Variants in PDXDC1 observed in about 807,000 individuals in gnomAD.
The protein encoded by PDXDC1 is pyridoxal dependent decarboxylase domain containing 1, also known as pyridoxal-dependent decarboxylase domain-containing protein 1.
A neutral mutation model predicts 100.1 loss-of-function variants in PDXDC1; 42 were observed. That is an observed-to-expected ratio of 0.42 (90% confidence interval 0.33 to 0.54). The LOEUF is 0.54. PDXDC1 is among the 20% of genes least tolerant of loss of function. PDXDC1 has a pLI of 0.10. For missense variants in PDXDC1, 636 were observed against 979.2 expected, an observed-to-expected ratio of 0.65 and a Z score of 4.68; for synonymous variants, 260 against 371.7, an observed-to-expected ratio of 0.70 and a Z score of 3.46.
Position 15,050,767 on chromosome 16 carries a change from G to A in PDXDC1, c.1399+20711G>A, listed in dbSNP as rs1567771053. 2.0e-5 allele frequency among the ~76,000 whole-genome samples: 3 copies of A among 151,960 alleles called. No individual in the cohort carries two copies. The East Asian group carries it at 5.8e-4, about 29-fold the overall frequency. On this transcript the variant is annotated intron_variant, in intron 16 of 16. Coordinates refer to the PDXDC1 transcript ENST00000535621. ...AAATTAAGATTAAACTAAAAGAAGA[G>A]ATGTAATAAACATAATGATCAGCTT...
the PDXDC1 span, among the ~76,000 whole-genome samples, chr16:15,152,115 A>G: frequency 7.0e-6 from 1 of 143,374 alleles, no homozygotes; most frequent in Non-Finnish European, 1.6e-5. Flanking sequence ...AAAAGCCACC[A>G]CCTCTCGGCA....
chr16:15,031,622 C>A, intron 16 of PDXDC1, 113 bp from the exon 17 acceptor site: 1 of 829,820 alleles, frequency 1.2e-6, no homozygotes, highest in Non-Finnish European at 1.9e-6. Context: ...CCATGGCTCC[C>A]GGTAACTGGA....
At chr16:15,014,284 T>C (rs531033579) in intron 8 of PDXDC1, among the ~76,000 whole-genome samples, 87 of 152,304 alleles carry the variant, frequency 5.7e-4, no homozygotes, top group African/African-American at 1.9e-3. Flanking sequence ...CATCACTTCC[T>C]GCCTTATTGT....
At chr16:14,995,771 C>T (rs369382248) in intron 1 of PDXDC1, among the ~76,000 whole-genome samples, 8 of 152,374 alleles carry the variant, frequency 5.3e-5, no homozygotes, top group South Asian at 2.1e-4. Flanking sequence ...CCTCTGGTCC[C>T]GGACCTTTTT....
intron 16 of PDXDC1, chr16:15,133,325 C>T (rs1598264101): frequency 2.5e-5 from 38 of 1,500,586 alleles, no homozygotes; most frequent in Admixed American, 1.4e-4. Context: ...ATCGGCCTGC[C>T]GCAGCAGCCC....
downstream of PDXDC1, among the ~76,000 whole-genome samples, chr16:15,143,900 G>A (rs902512010): frequency 8.5e-5 from 13 of 152,330 alleles, no homozygotes; most frequent in East Asian, 1.9e-4. Context: ...CATTCCAGAC[G>A]CGTGTGGTCA....
intron 12 of PDXDC1, among the ~76,000 whole-genome samples, chr16:15,021,991 T>A (rs1335142925): frequency 7.2e-5 from 11 of 152,288 alleles, no homozygotes; most frequent in African/African-American, 2.7e-4. Context: ...GAATTAATTT[T>A]CTTTAAGAAA....
At chr16:14,992,119 G>A (rs1214741088) in intron 1 of PDXDC1, among the ~76,000 whole-genome samples, 1 of 152,272 alleles carries the variant, frequency 6.6e-6, no homozygotes, top group Admixed American at 6.5e-5. Context: ...AAGGAATCAT[G>A]AGGATAAATG....
Position 15,034,458 on chromosome 16 carries a change from G to A in PDXDC1, c.1907G>A (p.Gly636Glu). ...CTGAACTCTGGTCCTGTCTTGCAGG[G>A]GGTGTTGCGGCAGATCCCTGTAGTG... ...KASEERLLEE[G>E]VLRQIPVVGS... The change falls in exon 21 of 23, where the codon GGG (glycine) becomes GAG (glutamate). Residue 636 changes from glycine (G) to glutamate (E), a missense_variant and splice_region_variant. Transcript: ENST00000396410. 1 of 1,614,124 alleles carries A rather than the reference G, an allele frequency of 6.2e-7. No homozygotes were observed. Among genetic ancestry groups the A allele is most frequent in the East Asian group, 2.2e-5 (1 of 44,880 alleles).
chr16:15,034,772 C>A (rs1011651412), intron 21 of PDXDC1, among the ~76,000 whole-genome samples: 2 of 152,218 alleles, frequency 1.3e-5, no homozygotes, highest in Non-Finnish European at 2.9e-5. Flanking sequence ...TACCCACTCT[C>A]CACAGCTGTC....
chr16:15,003,791 T>C (rs1325657753), intron 4 of PDXDC1, among the ~76,000 whole-genome samples: 10 of 152,274 alleles, frequency 6.6e-5, no homozygotes, highest in Non-Finnish European at 1.3e-4. Flanking sequence ...AAGAGCAGCC[T>C]GGCCAACATG....
At chr16:14,998,052 A>G (rs1284500904) in intron 2 of PDXDC1, among the ~76,000 whole-genome samples, 3 of 152,288 alleles carry the variant, frequency 2.0e-5, no homozygotes, top group Admixed American at 1.3e-4. Context: ...TAAGAGTTTC[A>G]TTTACTTAAT....
At chr16:14,976,830 G>C (rs1170029486) in intron 1 of PDXDC1, 2 of 152,506 alleles carry the variant, frequency 1.3e-5, no homozygotes, top group African/African-American at 4.8e-5. Flanking sequence ...GAGAAATCCT[G>C]GTCAAGATCA....
intron 14 of PDXDC1, among the ~76,000 whole-genome samples, 184 bp from the exon 15 acceptor site, chr16:15,028,694 G>A (rs1038605610): frequency 1.3e-5 from 2 of 152,298 alleles, no homozygotes; most frequent in African/African-American, 4.8e-5. Flanking sequence ...ATGTATTCAA[G>A]TGTTACATAG....
intron 16 of PDXDC1, chr16:15,125,768 C>A (rs201905941): frequency 1.3e-6 from 2 of 1,522,900 alleles, no homozygotes; most frequent in South Asian, 2.3e-5. Flanking sequence ...ATGTCCAGCA[C>A]CTGCTGCCCG....
At chr16:15,082,718 C>A (rs1211398125) in intron 16 of PDXDC1, among the ~76,000 whole-genome samples, 1 of 151,830 alleles carries the variant, frequency 6.6e-6, no homozygotes, top group East Asian at 1.9e-4. Flanking sequence ...TAACATCAGT[C>A]GCACTTGGTC....
chr16:15,104,565 T>A (rs1263054048), intron 16 of PDXDC1: 1 of 1,597,560 alleles, frequency 6.3e-7, no homozygotes, highest in Admixed American at 1.7e-5. Flanking sequence ...GAGATTATCA[T>A]CCGCTGAGGG....
At chr16:15,131,209 T>C in intron 16 of PDXDC1, 1 of 1,589,494 alleles carries the variant, frequency 6.3e-7, no homozygotes, top group African/African-American at 1.3e-5. Context: ...AGAGCTGCGG[T>C]GGCCCCGGGC....
Position 15,104,566 on chromosome 16 carries a change from C to G in PDXDC1, c.1400-34313C>G. ...CTCGGAGGTGTCTTGAGATTATCAT[C>G]CGCTGAGGGTGGAAGGGGATAGAGC... On this transcript the variant is annotated intron_variant, in intron 16 of 16. Transcript: ENST00000535621. The G allele has an allele frequency of 2.5e-6, 4 of 1,597,740 alleles. No individual in the cohort carries two copies. In the South Asian group the frequency reaches 4.4e-5, roughly 18 times the overall value.
Sources: gnomAD v4.1 joint callset for allele counts (sites outside exome capture counted in the v4.1 genomes callset) on GRCh38, gnomAD v4.1.1 for gene constraint, MANE v1.5 for transcripts, NCBI Gene and HGNC (gene_info 2026-07-23, HGNC 2026-07-21) for gene names.